SHARPIN: variants seen among roughly 807,000 people sequenced by gnomAD.
SHARPIN encodes the protein SHANK associated RH domain interactor.
Under a neutral mutation model 40.3 loss-of-function variants are expected in SHARPIN, and 25 were observed. That is an observed-to-expected ratio of 0.62 (90% CI 0.45 to 0.87). The LOEUF (loss-of-function observed/expected upper bound fraction) is 0.87. SHARPIN is among the 40% of genes least tolerant of loss of function. The pLI, the probability that SHARPIN is intolerant of heterozygous loss-of-function variation, is 0.00. For synonymous variants in SHARPIN, 274 were observed against 221.8 expected (o/e 1.24, Z -2.09); for missense variants, 551 against 516.1 (o/e 1.07, Z -0.66).
intron 2 of SHARPIN, 84 bp from the exon 3 acceptor site, chr8:144,100,153 C>T: frequency 1.3e-6 from 2 of 1,489,064 alleles, no homozygotes; most frequent in East Asian, 2.3e-5. Context: ...TTGCCTTCTC[C>T]CTCACCTCAG....
Position 144,098,922 on chromosome 8 carries a change from G to GGGT in SHARPIN, c.1117_1119dup (p.Thr373dup). The GGGT allele has an allele frequency of 6.3e-7, 1 of 1,594,194 alleles. No homozygotes were observed. Among genetic ancestry groups the GGGT allele is most frequent in the East Asian group, 2.2e-5 (1 of 44,522 alleles). On this transcript the variant is annotated inframe_insertion, in exon 8 of 9. Transcript: ENST00000398712. ...AGGGGGTCCCAAGTGCAGGGCCTCT[G>GGGT]GGTGCTACACATCTCACAGCCAGGG...
At chr8:144,103,462 C>A in intron 1 of SHARPIN, 91 bp downstream of exon 1, 3 of 1,333,538 alleles carry the variant, frequency 2.2e-6, no homozygotes, top group Non-Finnish European at 2.0e-6. Context: ...TGCTTAAGGG[C>A]ACCCAGGTGG....
At position 144,099,541 on chromosome 8, in the gene SHARPIN, G is replaced by A; in HGVS notation, c.737C>T (p.Pro246Leu). The change falls in exon 5 of 9, where the codon CCC becomes CTC. Residue 246 changes from proline (P) to leucine (L), a missense_variant. Physicochemically the swap from Pro to Leu is moderately conservative, Grantham distance 98. Transcript: ENST00000398712. ...CTGGAGAGCTGCAACAGTGCAGTGG[G>A]GGTGGACCTGCAGGGCAACGTGTGC... ...SSAHVALQVH[P>L]HCTVAALQEQ... 6.2e-7 allele frequency: 1 copy of A among 1,614,046 alleles called. No individual in the cohort carries two copies. The highest frequency in any genetic ancestry group is 8.5e-7 in the Non-Finnish European group (1 of 1,180,008).
rs1448985088 is a variant in SHARPIN at position 144,100,134 on chromosome 8, C to G, written c.377-65G>C. 4 of 1,509,526 alleles carry G rather than the reference C, an allele frequency of 2.6e-6. No individual in the cohort carries two copies. The African/African-American group carries it at 4.2e-5, about 16-fold the overall frequency. 93.5% of individuals were successfully genotyped at this position (1,509,526 alleles called of 1,614,324 possible). On this transcript the variant is annotated intron_variant, in intron 2 of 8. Coordinates refer to ENST00000398712, the MANE Select transcript of SHARPIN (RefSeq NM_030974.4). ...TCCAGGCCTCTAGGCCCTTGGTTTT[C>G]CAGGACCTTTGCCTTCTCCCTCACC...
Position 144,103,047 on chromosome 8 carries a change from T to C in SHARPIN, c.376+4A>G. On this transcript the variant is annotated splice_donor_region_variant and intron_variant, in intron 2 of 8. Transcript: ENST00000398712. ...TGTAATTGTATCCATTACAGGGCAC[T>C]GACCATTCTGTCCTTCCACGGTGGC... 6.2e-7 allele frequency: 1 copy of C among 1,613,262 alleles called. No homozygotes were observed. Among genetic ancestry groups the C allele is most frequent in the Non-Finnish European group, 8.5e-7 (1 of 1,179,878 alleles).
intron 2 of SHARPIN, among the ~76,000 whole-genome samples, chr8:144,100,384 A>C (rs529398336): frequency 3.3e-5 from 5 of 152,328 alleles, no homozygotes; most frequent in Admixed American, 2.6e-4. Context: ...GCAGAACCAA[A>C]GCAGGCCCTC....
intron 2 of SHARPIN, 33 bp downstream of exon 2, chr8:144,103,018 A>G (rs761863965): frequency 1.9e-6 from 3 of 1,612,370 alleles, no homozygotes; most frequent in Non-Finnish European, 2.5e-6. Context: ...AGGCTATTCC[A>G]AATTGTAATT....
At position 144,098,943 on chromosome 8, in the gene SHARPIN, C is replaced by T. The variant is rs373839286; in HGVS notation, c.1099G>A (p.Gly367Ser). 8.2e-6 allele frequency: 13 copies of T among 1,593,212 alleles called. No homozygotes were observed. Among genetic ancestry groups the T allele is most frequent in the Non-Finnish European group, 8.5e-6 (10 of 1,174,556 alleles). ...CTFINAPDRP[G>S]CEMCSTQRPC... ...CTCTGGGTGCTACACATCTCACAGC[C>T]AGGGCGGTCTGGGGCATTGATGAAG... The change falls in exon 8 of 9, where the codon GGC (glycine) becomes AGC (serine). Residue 367 changes from glycine (G) to serine (S), a missense_variant. Physicochemically the swap from Gly to Ser is moderately conservative, Grantham distance 56. Transcript: ENST00000398712.
intron 2 of SHARPIN, among the ~76,000 whole-genome samples, chr8:144,102,024 A>G: frequency 6.6e-6 from 1 of 152,132 alleles, no homozygotes; most frequent in East Asian, 1.9e-4. Context: ...TGGGAGCCCC[A>G]TACTACCTAG....
chr8:144,103,699 C>A lies in SHARPIN; in HGVS notation c.55G>T (p.Ala19Ser), dbSNP rs1266136994. Residue 19 changes from alanine (A) to serine (S), a missense_variant, in exon 1 of 9, where the codon GCA (alanine) becomes TCA (serine). Ala to Ser is a moderately conservative substitution (Grantham distance 99). Transcript: ENST00000398712. The part of the protein sequence containing the change: ...AAAASDLGSA[A>S]VLLAVHAAVR... ...GCGGCGTGCACAGCCAAGAGCACTG[C>A]GGCGGAGCCCAAGTCCGAGGCCGCC... The A allele has an allele frequency of 4.1e-6, 6 of 1,479,194 alleles. No homozygotes were observed. In the African/African-American group the frequency reaches 5.9e-5, roughly 15 times the overall value. The allele number at this position is 1,479,194 out of a possible 1,614,324, so 91.6% of individuals were successfully genotyped here. A position where few individuals can be genotyped will look rare whatever the true frequency, so the allele number is the denominator to read the frequency against.
Position 144,099,262 on chromosome 8 carries a change from C to G in SHARPIN, c.922+15G>C. ...GCACCCCACCTCCCACACCCCACCC[C>G]CATCGAGGACTGACCTGGGGCTTCT... On this transcript the variant is annotated intron_variant, in intron 6 of 8. Transcript: ENST00000398712. 1 of 1,613,972 alleles carries G rather than the reference C, an allele frequency of 6.2e-7. No individual in the cohort carries two copies. Among genetic ancestry groups the G allele is most frequent in the East Asian group, 2.2e-5 (1 of 44,882 alleles).
chr8:144,099,216 G>A lies in SHARPIN; in HGVS notation c.923-11C>T, dbSNP rs771572333. On this transcript the variant is annotated splice_polypyrimidine_tract_variant and intron_variant, in intron 6 of 8. Coordinates refer to ENST00000398712, the MANE Select transcript of SHARPIN (RefSeq NM_030974.4). ...GGCTAGGTCCTGTGGCTGAGGGGGTGGAGCTCAGGACTGTGGGGCTGCACC... is the reference window on the plus strand; with the variant it reads ...GGCTAGGTCCTGTGGCTGAGGGGGTAGAGCTCAGGACTGTGGGGCTGCACC... 80 of 1,608,238 alleles carry A rather than the reference G, an allele frequency of 5.0e-5. No homozygotes were observed. Among genetic ancestry groups the A allele is most frequent in the Non-Finnish European group, 6.5e-5 (77 of 1,177,850 alleles).
In SHARPIN at chr8:144,099,259, C is replaced by T; in HGVS notation, c.922+18G>A. ...GCTGCACCCCACCTCCCACACCCCA[C>T]CCCCATCGAGGACTGACCTGGGGCT... On this transcript the variant is annotated intron_variant, in intron 6 of 8. Transcript: ENST00000398712. The T allele has an allele frequency of 1.2e-6, 2 of 1,613,886 alleles. No individual in the cohort carries two copies. The highest frequency in any genetic ancestry group is 1.7e-6 in the Non-Finnish European group (2 of 1,179,908).
At chr8:144,102,273 TTC>T (rs1491536403) in intron 2 of SHARPIN, among the ~76,000 whole-genome samples, 4 of 63,522 alleles carry the variant, frequency 6.3e-5, no homozygotes, top group South Asian at 2.0e-3. Flanking sequence ...TAATTCCATC[TTC>T]TTTTTTTTTT....
chr8:144,102,162 C>G (rs1419897427), intron 2 of SHARPIN, among the ~76,000 whole-genome samples: 1 of 152,090 alleles, frequency 6.6e-6, no homozygotes, highest in African/African-American at 2.4e-5. Context: ...ACCAGGAGTT[C>G]AAGGCTCCAG....
intron 2 of SHARPIN, 92 bp downstream of exon 2, chr8:144,102,959 A>G (rs1836317980): frequency 1.3e-6 from 2 of 1,493,852 alleles, no homozygotes; most frequent in Non-Finnish European, 1.9e-6. Flanking sequence ...CCAGACATCC[A>G]GCAGTGGGGA....
rs1282787364 is a variant in SHARPIN, at chr8:144,099,036, A to G, written c.1048-42T>C. ...AGTTGTTGCTTCCCTGCTCTTTCCA[A>G]TGCCCATGGCTGTCCTGGCCCTCCC... On this transcript the variant is annotated intron_variant, in intron 7 of 8. Transcript: ENST00000398712. 3 of 1,592,186 alleles carry G rather than the reference A, an allele frequency of 1.9e-6. No homozygotes were observed. In the East Asian group the frequency reaches 6.7e-5, roughly 36 times the overall value.
In SHARPIN at chr8:144,100,007, G is replaced by T. The variant is rs11541805; in HGVS notation, c.439C>A (p.Pro147Thr). 5.6e-6 allele frequency: 9 copies of T among 1,606,192 alleles called. No homozygotes were observed. Among genetic ancestry groups the T allele is most frequent in the East Asian group, 4.5e-5 (2 of 44,870 alleles). Reference protein sequence around the residue: ...PEACPVSLPSPPEASTLKGPP... With the variant: ...PEACPVSLPSTPEASTLKGPP... Reference sequence around the variant, plus strand: ...CCCTTGAGTGTGGAGGCTTCCGGGGGACTGGGCAGGGAGACAGGGCATGCT... The same window carrying T: ...CCCTTGAGTGTGGAGGCTTCCGGGGTACTGGGCAGGGAGACAGGGCATGCT... Residue 147 changes from proline (P) to threonine (T), a missense_variant, in exon 3 of 9, where the codon CCC (proline) becomes ACC (threonine). Coordinates refer to ENST00000398712, the MANE Select transcript of SHARPIN (RefSeq NM_030974.4).
At chr8:144,103,018 AAATTGT>A (rs767961720) in intron 2 of SHARPIN, 27 bp downstream of exon 2, 5 of 1,612,250 alleles carry the variant, frequency 3.1e-6, no homozygotes, top group African/African-American at 1.3e-5. Flanking sequence ...AGGCTATTCC[AAATTGT>A]AATTGTATCC....
Sources: gnomAD v4.1 joint callset for allele counts (sites outside exome capture counted in the v4.1 genomes callset) on GRCh38, gnomAD v4.1.1 for gene constraint, MANE v1.5 for transcripts, NCBI Gene and HGNC (gene_info 2026-07-23, HGNC 2026-07-21) for gene names.